The following UNKL variants were observed in gnomAD, a reference collection of about 807,000 sequenced individuals.
UNKL encodes the protein unk like zinc finger, also known as putative E3 ubiquitin-protein ligase UNKL.
Under a neutral mutation model 78.0 loss-of-function variants are expected in UNKL, and 60 were observed. That is an observed-to-expected ratio of 0.77 (90% CI 0.63 to 0.95). The LOEUF is 0.95. Among genes scored for constraint, UNKL ranks in the 40% least tolerant of loss-of-function variants. The pLI, the probability that UNKL is intolerant of heterozygous loss-of-function variation, is 0.00. For synonymous variants in UNKL, 608 were observed against 474.8 expected (o/e 1.28, Z -3.65); for missense variants, 1,159 against 1,045.7 (o/e 1.11, Z -1.49).
intron 2 of UNKL, among the ~76,000 whole-genome samples, chr16:1,404,582 T>C (rs1253011508): frequency 6.6e-6 from 1 of 152,108 alleles, no homozygotes; most frequent in Admixed American, 6.6e-5. Context: ...ATTACAACGC[T>C]ACCTTGGTAC....
In UNKL at chr16:1,399,615, G is replaced by A. The variant is rs2037428603; in HGVS notation, c.599-106C>T. The A allele has an allele frequency of 2.7e-6, 4 of 1,502,346 alleles. No individual in the cohort carries two copies. The highest frequency in any genetic ancestry group is 3.6e-6 in the Non-Finnish European group (4 of 1,120,244). The allele number at this position is 1,502,346 out of a possible 1,614,324, so 93.1% of individuals were successfully genotyped here. A position where few individuals can be genotyped will look rare whatever the true frequency, so the allele number is the denominator to read the frequency against. On this transcript the variant is annotated intron_variant, in intron 4 of 14. Transcript: ENST00000389221. This position sits in a 1 kb window ranked among gnomAD's most constrained non-coding sequence, Gnocchi z 5.8. ...GGCTGTCCCCCAAATGGAAGGGGCT[G>A]CAGGAGGACTTGGGGAGCGCAGACA... is the stretch of plus-strand genomic sequence containing the variant.
chr16:1,394,550 TA>T, intron 6 of UNKL: 2 of 505,476 alleles, frequency 4.0e-6, no homozygotes, highest in South Asian at 3.1e-5. Context: ...AATAAGTGCC[TA>T]TTAAAAGGAA....
At chr16:1,375,444 C>T (rs980416456) in intron 10 of UNKL, among the ~76,000 whole-genome samples, 3 of 152,222 alleles carry the variant, frequency 2.0e-5, no homozygotes, top group Non-Finnish European at 4.4e-5. Flanking sequence ...AGGGAATTTC[C>T]GGGGCGTGGA....
At chr16:1,411,340 A>T (rs2038030441) in intron 2 of UNKL, among the ~76,000 whole-genome samples, 1 of 149,734 alleles carries the variant, frequency 6.7e-6, no homozygotes, top group Admixed American at 6.7e-5. Flanking sequence ...AACCAGAGTG[A>T]GACTCGGTCT....
intron 10 of UNKL, 30 bp from the exon 11 acceptor site, chr16:1,371,641 C>G: frequency 6.5e-7 from 1 of 1,533,018 alleles, no homozygotes; most frequent in Non-Finnish European, 8.7e-7. Flanking sequence ...TCATCCACAG[C>G]CCACCCAGCG....
At position 1,367,740 on chromosome 16, in the gene UNKL, A is replaced by G; in HGVS notation, c.1704T>C (p.Ala568=). Residue 568 remains alanine (A), a synonymous_variant, in exon 13 of 15, where the codon GCT becomes GCC. Transcript: ENST00000389221. ...GCTGCCGCCTGACCCGGGCCAGCTCAGCTCCGTTTGGACTTGCACTCGAAG... is the reference window on the plus strand; with the variant it reads ...GCTGCCGCCTGACCCGGGCCAGCTCGGCTCCGTTTGGACTTGCACTCGAAG... ...PSSSSASPNG[A]ELARVRRQLD... The G allele has an allele frequency of 1.9e-6, 3 of 1,577,078 alleles. No individual in the cohort carries two copies. Among genetic ancestry groups the G allele is most frequent in the Non-Finnish European group, 2.6e-6 (3 of 1,162,296 alleles).
chr16:1,374,197 G>T lies in UNKL; in HGVS notation c.1265-2586C>A, dbSNP rs62011309. On this transcript the variant is annotated intron_variant, in intron 10 of 14. Coordinates refer to ENST00000389221, the MANE Select transcript of UNKL (RefSeq NM_001372107.1). ...ACCGCACAGAGACCTCAGCAGCGTGGGGCACACCACACAGGGACTGTTGCG... is the reference window on the plus strand; with the variant it reads ...ACCGCACAGAGACCTCAGCAGCGTGTGGCACACCACACAGGGACTGTTGCG... 1.1e-4 allele frequency among the ~76,000 whole-genome samples: 14 copies of T among 131,758 alleles called. 2 individuals are homozygous for T. The highest frequency in any genetic ancestry group is 1.9e-4 in the African/African-American group (7 of 36,118). The allele number at this position is 131,758 out of a possible 152,430, so 86.4% of individuals were successfully genotyped here.
intron 12 of UNKL, among the ~76,000 whole-genome samples, chr16:1,369,778 C>T (rs562331496): frequency 5.6e-4 from 85 of 152,280 alleles, no homozygotes; most frequent in African/African-American, 1.9e-3. Flanking sequence ...AGTTTGAGAC[C>T]GGCCCGGCCA....
intron 10 of UNKL, among the ~76,000 whole-genome samples, chr16:1,375,313 G>A (rs1402439841): frequency 1.3e-5 from 2 of 152,192 alleles, no homozygotes; most frequent in South Asian, 2.1e-4. Context: ...CGGCAGGCGG[G>A]AGAGAAGCCT....
rs971449106 is a variant in UNKL at position 1,369,096 on chromosome 16, A to C, written c.1585+1034T>G. Reference sequence around the variant, plus strand: ...TTTTTTTTTTTTTGAAATGGAGTCTAGCTCTATCGCCAGGCTGGATTGGAG... The same window carrying C: ...TTTTTTTTTTTTTGAAATGGAGTCTCGCTCTATCGCCAGGCTGGATTGGAG... On this transcript the variant is annotated intron_variant, in intron 12 of 14. Coordinates refer to ENST00000389221, the MANE Select transcript of UNKL (RefSeq NM_001372107.1). 3.8e-4 allele frequency among the ~76,000 whole-genome samples: 42 copies of C among 109,558 alleles called. 1 individual carries two copies. The highest frequency in any genetic ancestry group is 1.4e-3 in the African/African-American group (39 of 28,120). The allele number at this position is 109,558 out of a possible 152,430, so 71.9% of individuals were successfully genotyped here. A position where few individuals can be genotyped will look rare whatever the true frequency, so the allele number is the denominator to read the frequency against.
chr16:1,408,260 GC>G (rs35934973), intron 2 of UNKL, among the ~76,000 whole-genome samples: 102,722 of 150,238 alleles, frequency 0.68, 35,288 homozygotes, highest in East Asian at 0.91. Context: ...CATGGGAGCT[GC>G]CCCCCCCCCC....
intron 9 of UNKL, among the ~76,000 whole-genome samples, chr16:1,385,727 G>T (rs867932093): frequency 6.6e-6 from 1 of 152,236 alleles, no homozygotes; most frequent in Non-Finnish European, 1.5e-5. Context: ...CCGCCAGCCC[G>T]AGGGGCAAGC....
Position 1,399,047 on chromosome 16 carries a change from A to T in UNKL, c.734+327T>A. 7.0e-7 allele frequency: 1 copy of T among 1,418,508 alleles called. No homozygotes were observed. The highest frequency in any genetic ancestry group is 9.3e-7 in the Non-Finnish European group (1 of 1,078,386). 87.9% of individuals were successfully genotyped at this position (1,418,508 alleles called of 1,614,324 possible). On this transcript the variant is annotated intron_variant, in intron 5 of 14. Transcript: ENST00000389221. This position sits in a 1 kb window ranked among gnomAD's most constrained non-coding sequence, Gnocchi z 5.8. ...CAGGCTGGAGAGCGTGGCTGCAACC[A>T]GAGGCACGGGTGGGGCACACGGGGG... is the stretch of plus-strand genomic sequence containing the variant.
chr16:1,401,522 T>TGGGGCG, intron 4 of UNKL, 46 bp downstream of exon 4: 1 of 1,467,604 alleles, frequency 6.8e-7, no homozygotes, highest in Non-Finnish European at 9.1e-7. Flanking sequence ...TCTCGCGCTG[T>TGGGGCG]GCCCGCCCCC....
intron 14 of UNKL, 100 bp downstream of exon 14, chr16:1,366,992 G>A (rs924708771): frequency 7.0e-7 from 1 of 1,435,848 alleles, no homozygotes; most frequent in Admixed American, 2.8e-5. Flanking sequence ...CCCTGGGGCA[G>A]GGGAGGAAGG....
In UNKL at chr16:1,403,260, C is replaced by A. The variant is rs551646155; in HGVS notation, c.372G>T (p.Glu124Asp). The A allele has an allele frequency of 2.9e-5, 47 of 1,614,214 alleles. No homozygotes were observed. Among genetic ancestry groups the A allele is most frequent in the Non-Finnish European group, 3.9e-5 (46 of 1,180,034 alleles). Residue 124 changes from glutamate to aspartate, a missense_variant, in exon 3 of 15, where the codon GAG becomes GAT. By Grantham distance (45) the Glu-to-Asp change is conservative (BLOSUM62 2). Coordinates refer to ENST00000389221, the MANE Select transcript of UNKL (RefSeq NM_001372107.1). The surrounding 1 kb of genome is among the most constrained non-coding windows in gnomAD (Gnocchi z 4.8). ...TCACGCAGTGGCCACGTGCGTCTGT[C>A]TCGTGGATGCAGGTTCCTGTTTTGT... is the stretch of plus-strand genomic sequence containing the variant. ...RYYKTGTCIH[E>D]TDARGHCVKN...
Position 1,377,986 on chromosome 16 carries a change from A to G in UNKL, c.1265-6375T>C, listed in dbSNP as rs111258702. Among the ~76,000 whole-genome samples, 184 of 152,258 alleles carry G rather than the reference A, an allele frequency of 1.2e-3. 1 individual carries two copies. Among genetic ancestry groups the G allele is most frequent in the African/African-American group, 3.7e-3 (153 of 41,534 alleles). Reference sequence around the variant, plus strand: ...GAATCCTGACCTGCAAGAAAGGAGGAAGCTTGTGCCCTTGCGCGTGCCGGT... The same window carrying G: ...GAATCCTGACCTGCAAGAAAGGAGGGAGCTTGTGCCCTTGCGCGTGCCGGT... On this transcript the variant is annotated intron_variant, in intron 10 of 14. Transcript: ENST00000389221.
In UNKL at chr16:1,366,261, C is replaced by T. The variant is rs1056360876; in HGVS notation, c.2181G>A (p.Lys727=). 3.2e-6 allele frequency: 5 copies of T among 1,584,202 alleles called. No individual in the cohort carries two copies. The highest frequency in any genetic ancestry group is 1.3e-5 in the African/African-American group (1 of 74,400). The change falls in exon 15 of 15, where the codon AAG becomes AAA. Residue 727 remains lysine (K), a synonymous_variant. Transcript: ENST00000389221. ...GAGGTCACCACTGCAGGGGCTGGCC[C>T]TTGCAGTAGGGGCACTCAGGTGCGG... ...AATAPECPYC[K]GQPLQW
intron 10 of UNKL, among the ~76,000 whole-genome samples, chr16:1,383,272 CAA>C (rs527382927): frequency 1.1e-4 from 7 of 65,292 alleles, no homozygotes; most frequent in Admixed American, 1.8e-4. Flanking sequence ...AACTCCGTCT[CAA>C]AAAAAAAAAA....
Sources: allele counts gnomAD v4.1 joint callset (sites outside exome capture counted in the v4.1 genomes callset), GRCh38; gene constraint gnomAD v4.1.1; non-coding constraint Gnocchi (gnomAD v3.1); transcripts MANE v1.5; gene names NCBI Gene and HGNC (gene_info 2026-07-23, HGNC 2026-07-21).